FAT4: variants seen among roughly 807,000 people sequenced by gnomAD.
FAT4 encodes the protein FAT atypical cadherin 4.
FAT4 carries 84 observed loss-of-function variants against 303.9 expected under a neutral mutation model. That is an observed-to-expected ratio of 0.28 (90% CI 0.23 to 0.33). The LOEUF is 0.33. Ranked by LOEUF, FAT4 falls within the 10% of genes least tolerant of loss-of-function variation. FAT4 has a pLI of 1.00. For synonymous variants in FAT4, 2,307 were observed against 2,298.8 expected, an observed-to-expected ratio of 1.00 and a Z score of -0.10; for missense variants, 6,005 against 6,146.8, an observed-to-expected ratio of 0.98 and a Z score of 0.77.
chr4:125,351,262 C>G (rs1431102231), intron 2 of FAT4, among the ~76,000 whole-genome samples: 3 of 151,578 alleles, frequency 2.0e-5, no homozygotes, highest in African/African-American at 2.4e-5. Context: ...ATTAAATGTA[C>G]AGATAAAACA....
intron 5 of FAT4, among the ~76,000 whole-genome samples, chr4:125,410,464 T>C (rs919287160): frequency 1.3e-5 from 2 of 152,166 alleles, no homozygotes; most frequent in African/African-American, 4.8e-5. Flanking sequence ...TGGAGATTGG[T>C]TTATCTGCTA....
chr4:125,339,692 T>A lies in FAT4; in HGVS notation c.5175+18106T>A, dbSNP rs1731705563. 2.0e-5 allele frequency among the ~76,000 whole-genome samples: 3 copies of A among 152,150 alleles called. 1 individual carries two copies. The highest frequency in any genetic ancestry group is 7.2e-5 in the African/African-American group (3 of 41,432). ...ATCGTTGTTATTACCATTTCACTGA[T>A]GAGAAAACTGAGGCTCAGGGAAGAT... On this transcript the variant is annotated intron_variant, in intron 2 of 17. Transcript: ENST00000394329.
chr4:125,385,352 A>G (rs947202581), intron 2 of FAT4, among the ~76,000 whole-genome samples: 4 of 152,128 alleles, frequency 2.6e-5, no homozygotes, highest in Admixed American at 6.6e-5. Flanking sequence ...TCATCCTCAC[A>G]CAAAATTCAG....
chr4:125,478,983 T>C (rs1727129026), intron 14 of FAT4, among the ~76,000 whole-genome samples: 1 of 152,074 alleles, frequency 6.6e-6, no homozygotes, highest in African/African-American at 2.4e-5. Context: ...CCTGAACATA[T>C]CTAACTATTC....
intron 12 of FAT4, among the ~76,000 whole-genome samples, chr4:125,472,866 A>G (rs1560629225): frequency 6.6e-6 from 1 of 152,190 alleles, no homozygotes; most frequent in Non-Finnish European, 1.5e-5. Flanking sequence ...AACTGCATTC[A>G]GGGTCCTACC....
chr4:125,490,991 T>A lies in FAT4; in HGVS notation c.14175T>A (p.Leu4725=), dbSNP rs2126097738. The A allele has an allele frequency of 1.2e-6, 2 of 1,614,176 alleles. No individual in the cohort carries two copies. The highest frequency in any genetic ancestry group is 1.7e-6 in the Non-Finnish European group (2 of 1,180,028). ...YRNSPARELH[L]PIRDGNTLEM... is the part of the protein sequence containing the mutation. Reference sequence around the variant, plus strand: ...ACAGCCCAGCAAGGGAATTGCATCTTCCTATAAGGGATGGTAATACTTTGG... The same window carrying A: ...ACAGCCCAGCAAGGGAATTGCATCTACCTATAAGGGATGGTAATACTTTGG... Residue 4725 remains leucine, a synonymous_variant, in exon 18 of 18, where the codon CTT becomes CTA. Transcript: ENST00000394329.
chr4:125,426,849 A>G (rs1435700276), intron 7 of FAT4, among the ~76,000 whole-genome samples: 2 of 152,052 alleles, frequency 1.3e-5, no homozygotes, highest in Non-Finnish European at 1.5e-5. Context: ...GATAAAATTT[A>G]TAGAAACTGA....
chr4:125,339,364 T>C (rs1280472322), intron 2 of FAT4, among the ~76,000 whole-genome samples: 1 of 151,746 alleles, frequency 6.6e-6, no homozygotes, highest in Non-Finnish European at 1.5e-5. Context: ...CCTGGCTAAT[T>C]TTTTTGTATT....
Position 125,491,832 on chromosome 4 carries a change from G to C in FAT4, c.*64G>C. The stretch of plus-strand genomic sequence containing the variant: ...ATAATACTCAAACCATTGTAAAGTT[G>C]CTGACTAGGTTGGGTCACATTTGAA... On this transcript the variant is annotated 3_prime_UTR_variant, in exon 18 of 18. Transcript: ENST00000394329. The C allele has an allele frequency of 6.8e-7, 1 of 1,473,450 alleles. No individual in the cohort carries two copies. The highest frequency in any genetic ancestry group is 2.4e-5 in the Admixed American group (1 of 41,224). 91.3% of individuals were successfully genotyped at this position (1,473,450 alleles called of 1,614,324 possible).
intron 8 of FAT4, among the ~76,000 whole-genome samples, chr4:125,443,829 CAAGT>C (rs1389448782): frequency 1.3e-5 from 2 of 152,078 alleles, no homozygotes; most frequent in East Asian, 3.9e-4. Context: ...AACCAAGCCT[CAAGT>C]AAGAGATGTG....
In FAT4 at chr4:125,452,657, G is replaced by T. The variant is rs1266735666; in HGVS notation, c.11647G>T (p.Val3883Leu). ...CAGTGGTGGAACCTGTCACAATTTA[G>T]TGGGAGGATTTTCATGCAGCTGCCC... ...CHSGGTCHNL[V>L]GGFSCSCPDG... Residue 3883 changes from valine (V) to leucine (L), a missense_variant, in exon 10 of 18, where the codon GTG becomes TTG. Physicochemically the swap from Val to Leu is conservative, Grantham distance 32 (BLOSUM62 1). Coordinates refer to ENST00000394329, the MANE Select transcript of FAT4 (RefSeq NM_001291303.3). 8.1e-6 allele frequency: 13 copies of T among 1,614,044 alleles called. 1 individual carries two copies. Among genetic ancestry groups the T allele is most frequent in the South Asian group, 1.1e-5 (1 of 91,088 alleles).
chr4:125,419,240 G>T (rs564694202), intron 7 of FAT4, among the ~76,000 whole-genome samples: 2 of 152,104 alleles, frequency 1.3e-5, no homozygotes, highest in Non-Finnish European at 2.9e-5. Flanking sequence ...GCTTAGTAAG[G>T]CCAAAGTAAC....
chr4:125,461,707 A>T (rs572153065), intron 10 of FAT4, among the ~76,000 whole-genome samples: 1 of 152,150 alleles, frequency 6.6e-6, no homozygotes, highest in South Asian at 2.1e-4. Context: ...TTTTACAGTG[A>T]AAACCAAATG....
At position 125,491,284 on chromosome 4, in the gene FAT4, G is replaced by A. The variant is rs768540931; in HGVS notation, c.14468G>A (p.Arg4823Lys). Residue 4823 changes from arginine to lysine, a missense_variant, in exon 18 of 18, where the codon AGG (arginine) becomes AAG (lysine). Coordinates refer to ENST00000394329, the MANE Select transcript of FAT4 (RefSeq NM_001291303.3). ...GRSSSEEDCR[R>K]PLSRTRNPAD... ...TCTTCTTCAGAGGAGGACTGCAGAA[G>A]GCCACTGTCTAGAACAAGGAATCCA... is the stretch of plus-strand genomic sequence containing the variant. 4 of 1,614,006 alleles carry A rather than the reference G, an allele frequency of 2.5e-6. No homozygotes were observed. Among genetic ancestry groups the A allele is most frequent in the Non-Finnish European group, 3.4e-6 (4 of 1,180,042 alleles).
chr4:125,433,913 T>C (rs1034942614), intron 7 of FAT4, among the ~76,000 whole-genome samples: 3 of 152,200 alleles, frequency 2.0e-5, no homozygotes, highest in Non-Finnish European at 2.9e-5. Flanking sequence ...TATTTTAATG[T>C]AATTTCAGAG....
intron 2 of FAT4, among the ~76,000 whole-genome samples, chr4:125,362,607 C>A (rs1289697934): frequency 6.6e-6 from 1 of 152,090 alleles, no homozygotes; most frequent in East Asian, 1.9e-4. Flanking sequence ...GCCTTTTTTA[C>A]ATGGTTGAAT....
At chr4:125,376,860 G>A (rs1427351743) in intron 2 of FAT4, among the ~76,000 whole-genome samples, 1 of 152,048 alleles carries the variant, frequency 6.6e-6, no homozygotes, top group Non-Finnish European at 1.5e-5. Context: ...ACTCCAGCCT[G>A]GGCAACAAGA....
chr4:125,484,494 T>C (rs753168063), intron 16 of FAT4, among the ~76,000 whole-genome samples: 7 of 152,128 alleles, frequency 4.6e-5, no homozygotes, highest in Non-Finnish European at 7.4e-5. Context: ...ACATAGGTGA[T>C]ACAGAATAAT....
At position 125,452,512 on chromosome 4, in the gene FAT4, T is replaced by C. The variant is rs756557639; in HGVS notation, c.11502T>C (p.Ser3834=). The C allele has an allele frequency of 4.3e-6, 7 of 1,613,856 alleles. No homozygotes were observed. In the South Asian group the frequency reaches 7.7e-5, roughly 18 times the overall value. The change falls in exon 10 of 18, where the codon AGT becomes AGC. Residue 3834 remains serine, a synonymous_variant. Coordinates refer to ENST00000394329, the MANE Select transcript of FAT4 (RefSeq NM_001291303.3). ...GCTCCGTATTAAAAAGCCGTGAGAGTCTTCCAGTCATCATCGTGGCAAATG... is the reference window on the plus strand; with the variant it reads ...GCTCCGTATTAAAAAGCCGTGAGAGCCTTCCAGTCATCATCGTGGCAAATG... ...AVSSVLKSRE[S]LPVIIVANEP... is the part of the protein sequence containing the mutation.
Sources: allele counts gnomAD v4.1 joint callset (sites outside exome capture counted in the v4.1 genomes callset), GRCh38; gene constraint gnomAD v4.1.1; transcripts MANE v1.5; gene names NCBI Gene and HGNC (gene_info 2026-07-23, HGNC 2026-07-21).